The following ATP8A2 variants were observed in gnomAD, a reference collection of about 807,000 sequenced individuals.
The protein encoded by ATP8A2 is ATPase phospholipid transporting 8A2.
Under a neutral mutation model 165.6 loss-of-function variants are expected in ATP8A2, and 100 were observed. The observed-to-expected ratio is 0.60, with a 90% confidence interval of 0.51 to 0.71. The LOEUF (loss-of-function observed/expected upper bound fraction) is 0.71. Ranked by LOEUF, ATP8A2 falls within the 30% of genes least tolerant of loss-of-function variation. The pLI is 0.00. For missense variants in ATP8A2, 1,227 were observed against 1,479.5 expected (o/e 0.83, Z 2.80); for synonymous variants, 543 against 548.8 (o/e 0.99, Z 0.15).
chr13:26,007,877 G>A (rs1278744767), intron 35 of ATP8A2, among the ~76,000 whole-genome samples: 1 of 152,064 alleles, frequency 6.6e-6, no homozygotes, highest in East Asian at 1.9e-4. Flanking sequence ...GCATAAAGTT[G>A]CAAATTTTGT....
Position 25,668,546 on chromosome 13 carries a change from G to C in ATP8A2, c.2212-30627G>C, listed in dbSNP as rs1271918643. ...TCCTACTTGGAGTTTGTTGAGCTTT[G>C]TGGATATGTAGATTCATGTCTTTCA... On this transcript the variant is annotated intron_variant, in intron 24 of 36. Transcript: ENST00000381655. Among the ~76,000 whole-genome samples, 3 of 152,062 alleles carry C rather than the reference G, an allele frequency of 2.0e-5. No individual in the cohort carries two copies. In the East Asian group the frequency reaches 5.8e-4, roughly 29 times the overall value.
chr13:25,783,833 T>A (rs183395548), intron 27 of ATP8A2, among the ~76,000 whole-genome samples: 5 of 152,306 alleles, frequency 3.3e-5, no homozygotes, highest in Non-Finnish European at 7.3e-5. Context: ...ATGCTGCGGT[T>A]TTATATTTCA....
intron 5 of ATP8A2, 50 bp downstream of exon 5, chr13:25,532,367 G>A (rs1355198820): frequency 5.2e-6 from 7 of 1,347,002 alleles, no homozygotes; most frequent in Middle Eastern, 1.9e-4. Context: ...TTAAGAATAA[G>A]GCCTGCATTT....
chr13:25,525,321 G>GT lies in ATP8A2; in HGVS notation c.222-4676dup, dbSNP rs1209866282. Among the ~76,000 whole-genome samples the GT allele has an allele frequency of 1.4e-3, 207 of 152,206 alleles. 4 individuals carry two copies. Among genetic ancestry groups the GT allele is most frequent in the Admixed American group, 0.013 (205 of 15,272 alleles). The stretch of plus-strand genomic sequence containing the variant: ...TTTGTCTTTTGGGCTTCATACTAGA[G>GT]TTATGAGTGGATTGCACACCACAAT... On this transcript the variant is annotated intron_variant, in intron 2 of 36. Transcript: ENST00000381655.
intron 25 of ATP8A2, among the ~76,000 whole-genome samples, chr13:25,742,556 A>C (rs1286387573): frequency 6.6e-6 from 1 of 151,608 alleles, no homozygotes; most frequent in Non-Finnish European, 1.5e-5. Context: ...AGTTATTGTC[A>C]TTGTTTATAT....
chr13:25,695,132 CT>C (rs11372481), intron 24 of ATP8A2, among the ~76,000 whole-genome samples: 1,684 of 146,230 alleles, frequency 0.012, 20 homozygotes, highest in African/African-American at 0.028. Context: ...GTCACACTAT[CT>C]TTTTTTTTTT....
At chr13:25,429,687 A>G (rs1405768582) in intron 1 of ATP8A2, among the ~76,000 whole-genome samples, 1 of 152,166 alleles carries the variant, frequency 6.6e-6, no homozygotes, top group Non-Finnish European at 1.5e-5. Context: ...AGCTTGGGTG[A>G]AGTTGCTATT....
intron 25 of ATP8A2, among the ~76,000 whole-genome samples, chr13:25,706,710 A>T (rs3117865): frequency 0.99 from 151,278 of 152,294 alleles, 75,145 homozygotes; most frequent in East Asian, 1. Context: ...ATCATGAACG[A>T]TTAGTTATAA....
At chr13:25,770,786 C>G (rs531306340) in intron 26 of ATP8A2, among the ~76,000 whole-genome samples, 1 of 152,152 alleles carries the variant, frequency 6.6e-6, no homozygotes, top group Admixed American at 6.5e-5. Context: ...GCCTGCTCAT[C>G]GGCTGGGTAG....
At chr13:26,005,582 C>T (rs1409979026) in intron 35 of ATP8A2, among the ~76,000 whole-genome samples, 1 of 151,872 alleles carries the variant, frequency 6.6e-6, no homozygotes, top group African/African-American at 2.4e-5. Flanking sequence ...CTATAAGTTC[C>T]CTTCTTAAGA....
chr13:25,489,752 C>G (rs2036465786), intron 2 of ATP8A2, among the ~76,000 whole-genome samples: 2 of 152,206 alleles, frequency 1.3e-5, no homozygotes, highest in Non-Finnish European at 2.9e-5. Context: ...GTAGAACCCC[C>G]ATGGTGATGT....
At chr13:25,959,743 T>C (rs1203999028) in intron 33 of ATP8A2, among the ~76,000 whole-genome samples, 1 of 152,244 alleles carries the variant, frequency 6.6e-6, no homozygotes, top group African/African-American at 2.4e-5. Context: ...AAATCCGTTG[T>C]ATGTAAGTGC....
intron 2 of ATP8A2, among the ~76,000 whole-genome samples, chr13:25,501,613 G>A (rs573186132): frequency 6.6e-6 from 1 of 152,334 alleles, no homozygotes; most frequent in South Asian, 2.1e-4. Context: ...AGGGGCCAGA[G>A]CGTTAGGGTA....
intron 35 of ATP8A2, among the ~76,000 whole-genome samples, chr13:25,999,540 C>T (rs998381634): frequency 6.6e-6 from 1 of 152,178 alleles, no homozygotes; most frequent in Non-Finnish European, 1.5e-5. Context: ...TGCCCTGCTC[C>T]AAGTTCTTCA....
intron 27 of ATP8A2, among the ~76,000 whole-genome samples, chr13:25,776,543 T>C (rs547116282): frequency 6.6e-6 from 1 of 152,342 alleles, no homozygotes; most frequent in Admixed American, 6.5e-5. Flanking sequence ...TGAGAACTTG[T>C]AGATATTGGT....
intron 27 of ATP8A2, among the ~76,000 whole-genome samples, chr13:25,779,129 AAAG>A (rs2044811906): frequency 6.6e-6 from 1 of 152,082 alleles, no homozygotes; most frequent in Admixed American, 6.6e-5. Context: ...AAAAAAAAAA[AAAG>A]AGAAAAATGT....
At chr13:25,844,534 A>G (rs1951816652) in intron 30 of ATP8A2, among the ~76,000 whole-genome samples, 1 of 151,958 alleles carries the variant, frequency 6.6e-6, no homozygotes, top group South Asian at 2.1e-4. Context: ...TGGCCTTATT[A>G]CACTCTTAAT....
intron 2 of ATP8A2, among the ~76,000 whole-genome samples, chr13:25,496,416 C>CT (rs1277194712): frequency 5.9e-5 from 9 of 152,024 alleles, no homozygotes; most frequent in African/African-American, 2.2e-4. Flanking sequence ...GGAGAGAATA[C>CT]TTTTTTTCTT....
intron 15 of ATP8A2, among the ~76,000 whole-genome samples, chr13:25,559,993 A>G (rs1363464494): frequency 6.6e-6 from 1 of 151,924 alleles, no homozygotes; most frequent in Admixed American, 6.6e-5. Flanking sequence ...ATGCCTGACT[A>G]ATTTTGTAAT....
Sources: gnomAD v4.1 joint callset for allele counts (sites outside exome capture counted in the v4.1 genomes callset) on GRCh38, gnomAD v4.1.1 for gene constraint, MANE v1.5 for transcripts, NCBI Gene and HGNC (gene_info 2026-07-23, HGNC 2026-07-21) for gene names.